Variants in FHIT observed in about 807,000 individuals in gnomAD.
FHIT encodes the protein bis(5'-adenosyl)-triphosphatase.
In FHIT, 19 loss-of-function variants were observed where a neutral mutation model predicts 17.9. The ratio of observed to expected loss-of-function variants is 1.06; its 90% confidence interval spans 0.74 to 1.56. The LOEUF (loss-of-function observed/expected upper bound fraction) is 1.56. Among genes scored for constraint, FHIT ranks in the 40% most tolerant of loss-of-function variants. The pLI, the probability that FHIT is intolerant of heterozygous loss-of-function variation, is 0.00. For missense variants in FHIT, 248 were observed against 189.2 expected, an observed-to-expected ratio of 1.31 and a Z score of -1.82; for synonymous variants, 81 against 69.7, an observed-to-expected ratio of 1.16 and a Z score of -0.81.
rs187121416 is a variant in FHIT at position 61,215,273 on chromosome 3, G to A, written c.-212-14608C>T. Among the ~76,000 whole-genome samples, 3 of 151,558 alleles carry A rather than the reference G, an allele frequency of 2.0e-5. No homozygotes were observed. In the East Asian group the frequency reaches 5.8e-4, roughly 29 times the overall value. On this transcript the variant is annotated intron_variant, in intron 1 of 9. Coordinates refer to ENST00000492590, the MANE Select transcript of FHIT (RefSeq NM_002012.4). ...ATATCTAGAAAACCCCATCACCTCAGCCCAAAATCTCCTTAAGCTGATAAG... is the reference window on the plus strand; with the variant it reads ...ATATCTAGAAAACCCCATCACCTCAACCCAAAATCTCCTTAAGCTGATAAG...
intron 4 of FHIT, chr3:60,553,447 T>C (rs2107629561): frequency 2.5e-5 from 11 of 436,070 alleles, no homozygotes; most frequent in East Asian, 1.6e-4. Context: ...TTAAAATATA[T>C]ATATATATAT....
Position 60,490,671 on chromosome 3 carries a change from C to CAAAAA in FHIT, c.103+46184_103+46188dup, listed in dbSNP as rs377411602. ...TTATCATGTCTTACTTGATTTGTACCAAAAAAAAAAAAAAAAGATTAGATT... is the reference window on the plus strand; with the variant it reads ...TTATCATGTCTTACTTGATTTGTACCAAAAAAAAAAAAAAAAAAAAAGATTAGATT... On this transcript the variant is annotated intron_variant, in intron 5 of 9. Coordinates refer to ENST00000492590, the MANE Select transcript of FHIT (RefSeq NM_002012.4). 2.8e-4 allele frequency among the ~76,000 whole-genome samples: 35 copies of CAAAAA among 125,148 alleles called. 1 individual carries two copies. In the South Asian group the frequency reaches 7.1e-3, roughly 25 times the overall value. 82.1% of individuals were successfully genotyped at this position (125,148 alleles called of 152,430 possible).
chr3:59,826,227 C>T (rs1019832138), intron 8 of FHIT, among the ~76,000 whole-genome samples: 2 of 152,152 alleles, frequency 1.3e-5, no homozygotes, highest in Non-Finnish European at 2.9e-5. Flanking sequence ...AGGTGATTCT[C>T]CCACCTCAGC....
At chr3:61,130,723 T>C (rs2036739255) in intron 2 of FHIT, among the ~76,000 whole-genome samples, 1 of 152,118 alleles carries the variant, frequency 6.6e-6, no homozygotes, top group South Asian at 2.1e-4. Flanking sequence ...AAAGTGAGTT[T>C]GAAATACATA....
At chr3:60,899,542 GTAAAGGCTGCTCAGCAAA>G (rs1705995822) in intron 3 of FHIT, among the ~76,000 whole-genome samples, 1 of 152,142 alleles carries the variant, frequency 6.6e-6, no homozygotes, top group Non-Finnish European at 1.5e-5. Flanking sequence ...ATTCATAACG[GTAAAGGCTGCTCAGCAAA>G]TAAAGGAAAC....
At chr3:60,392,717 C>G (rs186197275) in intron 5 of FHIT, among the ~76,000 whole-genome samples, 61 of 152,236 alleles carry the variant, frequency 4.0e-4, no homozygotes, top group Admixed American at 1.8e-3. Context: ...GGAGATGGAA[C>G]CTGGTTTTAC....
chr3:60,250,944 G>A (rs1314472224), intron 5 of FHIT, among the ~76,000 whole-genome samples: 1 of 152,154 alleles, frequency 6.6e-6, no homozygotes, highest in Admixed American at 6.6e-5. Flanking sequence ...TTGTCTGAGT[G>A]GGTGATCAAA....
At position 60,536,919 on chromosome 3, in the gene FHIT, A is replaced by G. The variant is rs368611873; in HGVS notation, c.44T>C (p.Val15Ala). The part of the protein sequence containing the change: ...FGQHLIKPSV[V>A]FLKTELSFAL... ...GAAGGACAGTTCTGTTTTGAGAAAC[A>G]CTACAGAGGGCTTGATGAGATGTTG... Residue 15 changes from valine (V) to alanine (A), a missense_variant, in exon 5 of 10, where the codon GTG becomes GCG. By Grantham distance (64) the Val-to-Ala change is moderately conservative. Transcript: ENST00000492590. 1 of 1,613,530 alleles carries G rather than the reference A, an allele frequency of 6.2e-7. No individual in the cohort carries two copies. The highest frequency in any genetic ancestry group is 8.5e-7 in the Non-Finnish European group (1 of 1,179,672).
In FHIT at chr3:60,171,264, G is replaced by C. The variant is rs544256229; in HGVS notation, c.104-157112C>G. ...CTCCTGGAAATTACTTTTTACTATT[G>C]GTTCCAAAGCTACAATTTGCAGCAA... On this transcript the variant is annotated intron_variant, in intron 5 of 9. Coordinates refer to ENST00000492590, the MANE Select transcript of FHIT (RefSeq NM_002012.4). Among the ~76,000 whole-genome samples the C allele has an allele frequency of 6.3e-4, 95 of 151,876 alleles. 1 individual carries two copies. Among genetic ancestry groups the C allele is most frequent in the African/African-American group, 2.2e-3 (92 of 41,402 alleles).
intron 4 of FHIT, among the ~76,000 whole-genome samples, chr3:60,574,458 T>C (rs183594839): frequency 5.3e-5 from 8 of 151,880 alleles, no homozygotes; most frequent in Admixed American, 4.6e-4. Flanking sequence ...ATCAGTGTGG[T>C]ACCTGGTGAT....
intron 1 of FHIT, among the ~76,000 whole-genome samples, chr3:61,237,390 T>C (rs1040582389): frequency 6.6e-6 from 1 of 152,250 alleles, no homozygotes. Context: ...CTGATTTATA[T>C]TCCTGTCTTT....
chr3:61,057,376 T>A (rs1355357484), intron 2 of FHIT, among the ~76,000 whole-genome samples: 1 of 152,140 alleles, frequency 6.6e-6, no homozygotes, highest in Non-Finnish European at 1.5e-5. Context: ...TGGAATGGCA[T>A]CCATATGTTA....
At chr3:60,973,349 G>A (rs1190490092) in intron 3 of FHIT, among the ~76,000 whole-genome samples, 1 of 152,144 alleles carries the variant, frequency 6.6e-6, no homozygotes, top group Admixed American at 6.5e-5. Context: ...AACTCTGTGA[G>A]ACACTGAGAC....
chr3:60,787,163 G>A (rs1575524269), intron 4 of FHIT, among the ~76,000 whole-genome samples: 1 of 152,126 alleles, frequency 6.6e-6, no homozygotes, highest in African/African-American at 2.4e-5. Context: ...AATGACCCAT[G>A]TGGGTATAAA....
At chr3:60,326,154 G>A (rs1329009537) in intron 5 of FHIT, among the ~76,000 whole-genome samples, 3 of 152,088 alleles carry the variant, frequency 2.0e-5, no homozygotes, top group Non-Finnish European at 4.4e-5. Context: ...GAGTGGGGCT[G>A]GCAGGGGGGT....
At chr3:61,226,028 T>C (rs978576475) in intron 1 of FHIT, among the ~76,000 whole-genome samples, 2 of 152,222 alleles carry the variant, frequency 1.3e-5, no homozygotes, top group Non-Finnish European at 2.9e-5. Flanking sequence ...GTAGAATTTC[T>C]CTGCTTAATG....
chr3:60,693,334 CCTGT>C (rs1192353030), intron 4 of FHIT, among the ~76,000 whole-genome samples: 8 of 152,130 alleles, frequency 5.3e-5, no homozygotes, highest in South Asian at 2.1e-4. Flanking sequence ...ATGACTATGG[CCTGT>C]CTATTTTAAT....
chr3:59,923,144 G>A (rs1412335658), intron 7 of FHIT, among the ~76,000 whole-genome samples: 1 of 140,724 alleles, frequency 7.1e-6, no homozygotes, highest in African/African-American at 2.7e-5. Context: ...AGAATGGCCT[G>A]AAACCAGGAG....
At chr3:60,079,346 A>G (rs1703173798) in intron 5 of FHIT, among the ~76,000 whole-genome samples, 1 of 152,164 alleles carries the variant, frequency 6.6e-6, no homozygotes, top group Non-Finnish European at 1.5e-5. Flanking sequence ...TACACAATTG[A>G]AAACAACATT....
Sources: allele counts gnomAD v4.1 joint callset (sites outside exome capture counted in the v4.1 genomes callset), GRCh38; gene constraint gnomAD v4.1.1; transcripts MANE v1.5; gene names NCBI Gene and HGNC (gene_info 2026-07-23, HGNC 2026-07-21).